FRMD4A: variants seen among roughly 807,000 people sequenced by gnomAD.
FRMD4A encodes FERM domain containing 4A.
In FRMD4A, 29 loss-of-function variants were observed where a neutral mutation model predicts 129.1. The observed-to-expected ratio is 0.22, with a 90% CI of 0.17 to 0.31. FRMD4A has a LOEUF of 0.31. FRMD4A is among the 10% of genes least tolerant of loss of function. FRMD4A has a pLI of 1.00. For missense variants in FRMD4A, 1,272 were observed against 1,375.8 expected (o/e 0.92, Z 1.19); for synonymous variants, 634 against 571.6 (o/e 1.11, Z -1.56).
intron 2 of FRMD4A, among the ~76,000 whole-genome samples, chr10:14,168,028 A>G (rs1263030326): frequency 6.6e-6 from 1 of 152,210 alleles, no homozygotes; most frequent in Non-Finnish European, 1.5e-5. Flanking sequence ...GAGAGGACCA[A>G]GACTCTTCAC....
At chr10:14,020,766 TG>T (rs1245268430) in intron 2 of FRMD4A, among the ~76,000 whole-genome samples, 1 of 152,022 alleles carries the variant, frequency 6.6e-6, no homozygotes, top group Non-Finnish European at 1.5e-5. Context: ...CAGGTTGCTG[TG>T]GTTCAGGCAG....
chr10:13,758,990 A>G (rs1258475753), intron 8 of FRMD4A, among the ~76,000 whole-genome samples: 1 of 152,114 alleles, frequency 6.6e-6, no homozygotes, highest in East Asian at 1.9e-4. Context: ...ATTTGGAATT[A>G]CTTCTATTAC....
intron 2 of FRMD4A, among the ~76,000 whole-genome samples, chr10:14,269,443 A>T (rs1351016146): frequency 6.6e-6 from 1 of 152,182 alleles, no homozygotes; most frequent in African/African-American, 2.4e-5. Flanking sequence ...TGGAGGCCCT[A>T]AAAAGAACCC....
At chr10:13,655,922 T>A (rs2082100914) in intron 22 of FRMD4A, 1 of 152,148 alleles carries the variant, frequency 6.6e-6, no homozygotes, top group Non-Finnish European at 1.5e-5. Flanking sequence ...AAATGTAACT[T>A]AAGGGAATGA....
chr10:14,300,400 T>TA (rs1458284804), intron 2 of FRMD4A, among the ~76,000 whole-genome samples: 1 of 152,216 alleles, frequency 6.6e-6, no homozygotes. Flanking sequence ...ATAAGTGGTT[T>TA]AGACAGTCTG....
At chr10:13,837,731 C>T (rs1484814970) in intron 3 of FRMD4A, among the ~76,000 whole-genome samples, 4 of 152,230 alleles carry the variant, frequency 2.6e-5, no homozygotes, top group Non-Finnish European at 5.9e-5. Context: ...TACCATCATG[C>T]ACTACGCCCA....
intron 2 of FRMD4A, among the ~76,000 whole-genome samples, chr10:14,036,109 T>C (rs1405340635): frequency 4.0e-5 from 6 of 151,158 alleles, no homozygotes; most frequent in African/African-American, 7.3e-5. Context: ...GTCTCCACAA[T>C]GTGCATTTGA....
chr10:14,007,786 G>C (rs919657015), intron 2 of FRMD4A, among the ~76,000 whole-genome samples: 1 of 152,034 alleles, frequency 6.6e-6, no homozygotes, highest in African/African-American at 2.4e-5. Flanking sequence ...CCATTCCAGG[G>C]GGAAGTTTCC....
rs2081002734 is a variant in FRMD4A at position 13,644,588 on chromosome 10, T to G, written c.*2450A>C. The G allele has an allele frequency of 6.6e-6, 1 of 152,206 alleles. No individual in the cohort carries two copies. Among genetic ancestry groups the G allele is most frequent in the Non-Finnish European group, 1.5e-5 (1 of 68,036 alleles). 9.4% of individuals were successfully genotyped at this position (152,206 alleles called of 1,614,324 possible). A position where few individuals can be genotyped will look rare whatever the true frequency, so the allele number is the denominator to read the frequency against. On this transcript the variant is annotated 3_prime_UTR_variant, in exon 25 of 25. Coordinates refer to ENST00000357447, the MANE Select transcript of FRMD4A (RefSeq NM_018027.5). ...ATTTTTGCCTCTCATTCCTTGCAAC[T>G]CCAGTGGGCTAGAATCTTGATCCAG...
At chr10:13,964,679 T>TC (rs1368554321) in intron 2 of FRMD4A, among the ~76,000 whole-genome samples, 1 of 151,194 alleles carries the variant, frequency 6.6e-6, no homozygotes, top group Admixed American at 6.6e-5. Flanking sequence ...CTTTTGTTTT[T>TC]TTTTTTTTTT....
At chr10:14,296,996 G>A (rs149815042) in intron 2 of FRMD4A, among the ~76,000 whole-genome samples, 126 of 152,248 alleles carry the variant, frequency 8.3e-4, no homozygotes, top group Middle Eastern at 3.4e-3. Flanking sequence ...ACTTCTCATC[G>A]TAGTGCTGCC....
chr10:13,652,153 C>G, intron 23 of FRMD4A, 179 bp from the exon 24 acceptor site: 1 of 613,748 alleles, frequency 1.6e-6, no homozygotes. Context: ...ATAATTGAGT[C>G]AAAATACCTA....
intron 2 of FRMD4A, among the ~76,000 whole-genome samples, chr10:14,195,634 C>T (rs1842450788): frequency 6.6e-6 from 1 of 152,192 alleles, no homozygotes; most frequent in Non-Finnish European, 1.5e-5. Flanking sequence ...TCCCCCGTTG[C>T]AGGGGGAATC....
At chr10:13,779,492 T>C (rs1049748636) in intron 6 of FRMD4A, among the ~76,000 whole-genome samples, 2 of 152,198 alleles carry the variant, frequency 1.3e-5, no homozygotes, top group Admixed American at 6.5e-5. Context: ...AATTCCTTAG[T>C]AGAACTTTTA....
intron 2 of FRMD4A, among the ~76,000 whole-genome samples, chr10:13,940,307 T>C (rs188742058): frequency 6.6e-6 from 1 of 152,202 alleles, no homozygotes; most frequent in African/African-American, 2.4e-5. Flanking sequence ...TGTGGTCAAA[T>C]CCAGCCCTCC....
chr10:14,085,637 C>T (rs780855805), intron 2 of FRMD4A, among the ~76,000 whole-genome samples: 23 of 152,170 alleles, frequency 1.5e-4, no homozygotes, highest in African/African-American at 2.7e-4. Flanking sequence ...GGCCACCATG[C>T]GCCAGAGAGC....
Position 13,821,713 on chromosome 10 carries a change from C to T in FRMD4A, c.112-10805G>A, listed in dbSNP as rs2093631989. 6.6e-6 allele frequency among the ~76,000 whole-genome samples: 1 copy of T among 152,248 alleles called. No individual in the cohort carries two copies. Among genetic ancestry groups the T allele is most frequent in the Non-Finnish European group, 1.5e-5 (1 of 68,018 alleles). ...GAAGCAACTCGCCAAATTCACACAG[C>T]GAATCAGTGGGAGAACTGAACCGCG... is the stretch of plus-strand genomic sequence containing the variant. On this transcript the variant is annotated intron_variant, in intron 3 of 24. Coordinates refer to ENST00000357447, the MANE Select transcript of FRMD4A (RefSeq NM_018027.5). This position sits in a 1 kb window ranked among gnomAD's most constrained non-coding sequence, Gnocchi z 4.3.
intron 2 of FRMD4A, among the ~76,000 whole-genome samples, chr10:13,938,562 G>A (rs568967058): frequency 6.6e-6 from 1 of 152,150 alleles, no homozygotes; most frequent in South Asian, 2.1e-4. Context: ...GGTTTTATAT[G>A]AACTACTTTT....
intron 2 of FRMD4A, among the ~76,000 whole-genome samples, chr10:14,329,414 G>A (rs1843420988): frequency 6.6e-6 from 1 of 152,136 alleles, no homozygotes. Context: ...TATGGTAAGA[G>A]CTAGGGCTTT....
Sources: gnomAD v4.1 joint callset for allele counts (sites outside exome capture counted in the v4.1 genomes callset) on GRCh38, gnomAD v4.1.1 for gene constraint, Gnocchi (gnomAD v3.1) non-coding constraint, MANE v1.5 for transcripts, NCBI Gene and HGNC (gene_info 2026-07-23, HGNC 2026-07-21) for gene names.